Variants in ASTN2 observed in about 807,000 individuals in gnomAD.
ASTN2 encodes astrotactin 2, also known as astrotactin-2.
ASTN2 carries 54 observed loss-of-function variants against 139.8 expected under a neutral mutation model. The ratio of observed to expected loss-of-function variants is 0.39; its 90% CI spans 0.31 to 0.48. The LOEUF (loss-of-function observed/expected upper bound fraction) is 0.48. Among genes scored for constraint, ASTN2 ranks in the 20% least tolerant of loss-of-function variants. The probability of loss-of-function intolerance (pLI) is 0.95; values close to 1 mark genes in which losing one functional copy is unlikely to be tolerated. For missense variants in ASTN2, 1,565 were observed against 1,725.1 expected, an observed-to-expected ratio of 0.91 and a Z score of 1.64; for synonymous variants, 756 against 719.5, an observed-to-expected ratio of 1.05 and a Z score of -0.81.
At chr9:117,261,178 G>A (rs533259583) in intron 2 of ASTN2, among the ~76,000 whole-genome samples, 1 of 152,252 alleles carries the variant, frequency 6.6e-6, no homozygotes, top group Non-Finnish European at 1.5e-5. Flanking sequence ...TCACATTTGA[G>A]GGGATGAAAG....
chr9:116,486,409 C>T (rs763098228), intron 20 of ASTN2, among the ~76,000 whole-genome samples: 7 of 151,544 alleles, frequency 4.6e-5, no homozygotes, highest in South Asian at 2.1e-4. Flanking sequence ...GATGAAGAGA[C>T]GAATGGATGG....
intron 2 of ASTN2, among the ~76,000 whole-genome samples, chr9:117,216,913 G>A (rs1421292825): frequency 6.6e-6 from 1 of 152,172 alleles, no homozygotes; most frequent in African/African-American, 2.4e-5. Flanking sequence ...ACAAGACTAT[G>A]TGACAGAAAT....
intron 10 of ASTN2, among the ~76,000 whole-genome samples, chr9:116,908,531 G>C (rs1834226663): frequency 6.6e-6 from 1 of 152,176 alleles, no homozygotes; most frequent in African/African-American, 2.4e-5. Context: ...GATCAAGAAA[G>C]CTTTCTGTTT....
intron 19 of ASTN2, among the ~76,000 whole-genome samples, chr9:116,572,522 A>C (rs1362077950): frequency 6.6e-6 from 1 of 152,188 alleles, no homozygotes; most frequent in Non-Finnish European, 1.5e-5. Flanking sequence ...GAGGGTGTGA[A>C]TAAGTGCACT....
At chr9:117,023,753 C>T (rs773471566) in intron 6 of ASTN2, among the ~76,000 whole-genome samples, 3 of 152,052 alleles carry the variant, frequency 2.0e-5, no homozygotes, top group Non-Finnish European at 4.4e-5. Flanking sequence ...TAGCATACTG[C>T]CTGGCACATG....
At chr9:116,663,969 C>T (rs1452594290) in intron 16 of ASTN2, among the ~76,000 whole-genome samples, 1 of 152,144 alleles carries the variant, frequency 6.6e-6, no homozygotes, top group African/African-American at 2.4e-5. Flanking sequence ...TGCTACATTG[C>T]TAGAGATTCA....
At chr9:116,657,956 C>T (rs376283004) in intron 16 of ASTN2, among the ~76,000 whole-genome samples, 2 of 148,850 alleles carry the variant, frequency 1.3e-5, no homozygotes, top group Non-Finnish European at 3.0e-5. Context: ...GGCACAATCT[C>T]GGCTCACTGC....
At chr9:116,888,048 T>C (rs1389033590) in intron 10 of ASTN2, among the ~76,000 whole-genome samples, 1 of 152,210 alleles carries the variant, frequency 6.6e-6, no homozygotes, top group Non-Finnish European at 1.5e-5. Flanking sequence ...ATATTTTTCA[T>C]ATATCATAAG....
intron 11 of ASTN2, among the ~76,000 whole-genome samples, chr9:116,850,540 C>A (rs1832570978): frequency 6.6e-6 from 1 of 152,148 alleles, no homozygotes; most frequent in African/African-American, 2.4e-5. Context: ...ATGAACATGT[C>A]ACTTCCCTTT....
At position 116,976,707 on chromosome 9, in the gene ASTN2, C is replaced by T; in HGVS notation, c.1670G>A (p.Ser557Asn). The T allele has an allele frequency of 6.2e-7, 1 of 1,614,038 alleles. No homozygotes were observed. Among genetic ancestry groups the T allele is most frequent in the African/African-American group, 1.3e-5 (1 of 75,048 alleles). Residue 557 changes from serine (S) to asparagine (N), a missense_variant, in exon 8 of 23, where the codon AGT (serine) becomes AAT (asparagine). This residue lies in a region of ASTN2 where 503 missense variants were observed against 591.7 expected (regional missense o/e 0.85). Transcript: ENST00000313400. ...GATGCCCTTTGCCACTCACCCTTCA[C>T]TCTGTCCCCAGTCACTGCGCACACA... is the stretch of plus-strand genomic sequence containing the variant. ...HLCVRSDWGQ[S>N]EGPWPYTTLE...
intron 20 of ASTN2, among the ~76,000 whole-genome samples, chr9:116,457,844 G>A (rs1848378447): frequency 6.6e-6 from 1 of 151,896 alleles, no homozygotes; most frequent in Non-Finnish European, 1.5e-5. Context: ...GCTATCCAAG[G>A]AAAGGTATAC....
chr9:117,352,736 G>A (rs143689557), intron 1 of ASTN2, among the ~76,000 whole-genome samples: 5 of 152,138 alleles, frequency 3.3e-5, no homozygotes, highest in African/African-American at 7.2e-5. Context: ...AAATTTCATC[G>A]CTCGGCCAAA....
intron 7 of ASTN2, among the ~76,000 whole-genome samples, chr9:116,978,330 A>G (rs892287939): frequency 6.6e-6 from 1 of 152,240 alleles, no homozygotes; most frequent in African/African-American, 2.4e-5. Context: ...TCAGTGCTTA[A>G]CAATGTGAGT....
chr9:116,534,964 T>C (rs1013832675), intron 19 of ASTN2, among the ~76,000 whole-genome samples: 9 of 152,234 alleles, frequency 5.9e-5, no homozygotes, highest in Non-Finnish European at 1.3e-4. Flanking sequence ...AGTGGGGTGT[T>C]AAAGTCTCCC....
At chr9:117,060,733 A>C (rs1839265384) in intron 5 of ASTN2, among the ~76,000 whole-genome samples, 1 of 151,736 alleles carries the variant, frequency 6.6e-6, no homozygotes, top group Non-Finnish European at 1.5e-5. Flanking sequence ...CTCCACTAAA[A>C]ATACAAAAAA....
At position 117,391,147 on chromosome 9, in the gene ASTN2, C is replaced by T. The variant is rs868548159; in HGVS notation, c.442+23350G>A. Among the ~76,000 whole-genome samples, 6 of 152,268 alleles carry T rather than the reference C, an allele frequency of 3.9e-5. No individual in the cohort carries two copies. In the Middle Eastern group the frequency reaches 0.01, roughly 259 times the overall value. On this transcript the variant is annotated intron_variant, in intron 1 of 22. Transcript: ENST00000313400. The stretch of plus-strand genomic sequence containing the variant: ...GAACCCTAGGAATCTGAGGGGCCAA[C>T]TGTAAGGATACGGAGGGCCAACTGT...
At chr9:116,711,274 G>T (rs1828148586) in intron 16 of ASTN2, among the ~76,000 whole-genome samples, 1 of 152,126 alleles carries the variant, frequency 6.6e-6, no homozygotes. Flanking sequence ...ACTCTTCAAT[G>T]CCCCATAACA....
chr9:116,662,773 C>A (rs562174328), intron 16 of ASTN2, among the ~76,000 whole-genome samples: 1 of 152,164 alleles, frequency 6.6e-6, no homozygotes, highest in Non-Finnish European at 1.5e-5. Flanking sequence ...ATTTCCCAAT[C>A]TTCTATTCTT....
intron 1 of ASTN2, among the ~76,000 whole-genome samples, chr9:117,297,026 T>C: frequency 6.6e-6 from 1 of 152,256 alleles, no homozygotes. Flanking sequence ...TTTAATCGGC[T>C]TGTTCTTCCT....
Sources: allele counts gnomAD v4.1 joint callset (sites outside exome capture counted in the v4.1 genomes callset), GRCh38; gene constraint gnomAD v4.1.1; regional missense constraint gnomAD v4.1.1; transcripts MANE v1.5; gene names NCBI Gene and HGNC (gene_info 2026-07-23, HGNC 2026-07-21).